The following ENTREP2 variants were observed in gnomAD, a reference collection of about 807,000 sequenced individuals.
ENTREP2 encodes the protein endosomal transmembrane epsin interactor 2.
chr15:29,279,516 C>T, the ENTREP2 span, among the ~76,000 whole-genome samples: 1 of 152,094 alleles, frequency 6.6e-6, no homozygotes, highest in Non-Finnish European at 1.5e-5. Context: ...ATGCGCACGC[C>T]ACCACACTCA....
the ENTREP2 span, among the ~76,000 whole-genome samples, chr15:29,513,586 G>T: frequency 6.6e-6 from 1 of 152,280 alleles, no homozygotes; most frequent in Non-Finnish European, 1.5e-5. Flanking sequence ...AAAAGGCGTG[G>T]GGTGAACAGG....
the ENTREP2 span, chr15:29,128,723 G>C: frequency 8.6e-7 from 1 of 1,167,196 alleles, no homozygotes; most frequent in Non-Finnish European, 1.3e-6. Flanking sequence ...ATAGGACGAG[G>C]ACGAAAAAGA....
the ENTREP2 span, among the ~76,000 whole-genome samples, chr15:29,141,168 C>T: frequency 2.6e-5 from 4 of 152,336 alleles, no homozygotes; most frequent in East Asian, 7.7e-4. Flanking sequence ...CCGAACATTT[C>T]AGTCTATCCA....
the ENTREP2 span, among the ~76,000 whole-genome samples, chr15:29,494,641 C>T: frequency 3.6e-3 from 552 of 152,290 alleles, 3 homozygotes; most frequent in Non-Finnish European, 6.0e-3. Context: ...AAAGTTTGTT[C>T]GCTTTGACCA....
At chr15:29,562,007 C>T in the ENTREP2 span, among the ~76,000 whole-genome samples, 3 of 152,180 alleles carry the variant, frequency 2.0e-5, no homozygotes, top group African/African-American at 7.2e-5. Context: ...TGATGCGATG[C>T]ACTGAGAAAA....
the ENTREP2 span, among the ~76,000 whole-genome samples, chr15:29,541,507 G>C: frequency 1.3e-5 from 2 of 152,168 alleles, no homozygotes; most frequent in East Asian, 1.9e-4. Context: ...CTGGGAGAGG[G>C]GCCAGCCATC....
the ENTREP2 span, among the ~76,000 whole-genome samples, chr15:29,176,617 G>A: frequency 6.6e-6 from 1 of 152,192 alleles, no homozygotes; most frequent in African/African-American, 2.4e-5. Flanking sequence ...CAGGAGCCAC[G>A]GGCCCCACTT....
At chr15:29,655,399 G>A in the ENTREP2 span, among the ~76,000 whole-genome samples, 2 of 152,162 alleles carry the variant, frequency 1.3e-5, no homozygotes, top group Non-Finnish European at 2.9e-5. Flanking sequence ...CCCCACACTA[G>A]CAGAAGAGGA....
the ENTREP2 span, among the ~76,000 whole-genome samples, chr15:29,600,902 C>T: frequency 0.39 from 44,636 of 114,800 alleles, 11,239 homozygotes; most frequent in African/African-American, 0.72. Context: ...ATTTTTCTTT[C>T]TTTTTTTTTT....
At chr15:29,531,808 G>GGCACCCACCACC in the ENTREP2 span, among the ~76,000 whole-genome samples, 1 of 152,134 alleles carries the variant, frequency 6.6e-6, no homozygotes, top group Admixed American at 6.5e-5. Flanking sequence ...TGGGACTAAA[G>GGCACCCACCACC]GCACCCACCA....
chr15:29,341,121 AG>A, the ENTREP2 span, among the ~76,000 whole-genome samples: 3 of 152,168 alleles, frequency 2.0e-5, no homozygotes, highest in African/African-American at 7.2e-5. Context: ...TCCCAAGGAG[AG>A]GCCAGGTGCC....
the ENTREP2 span, among the ~76,000 whole-genome samples, chr15:29,584,726 C>T: frequency 6.6e-6 from 1 of 152,072 alleles, no homozygotes; most frequent in African/African-American, 2.4e-5. Flanking sequence ...GATGAGTAAG[C>T]TCTGAGAATC....
At chr15:29,593,781 G>T in the ENTREP2 span, among the ~76,000 whole-genome samples, 1 of 152,180 alleles carries the variant, frequency 6.6e-6, no homozygotes, top group Non-Finnish European at 1.5e-5. Flanking sequence ...GGTTGCCAGG[G>T]AATCATAATA....
chr15:29,548,856 G>A, the ENTREP2 span, among the ~76,000 whole-genome samples: 1 of 152,168 alleles, frequency 6.6e-6, no homozygotes, highest in Non-Finnish European at 1.5e-5. Flanking sequence ...TCCCACAAAC[G>A]ATTCAGGGAA....
At chr15:29,264,621 A>G in the ENTREP2 span, among the ~76,000 whole-genome samples, 1 of 152,224 alleles carries the variant, frequency 6.6e-6, no homozygotes, top group Admixed American at 6.5e-5. Context: ...TTCTACAGAA[A>G]ACAGGCCCGT....
At chr15:29,369,007 T>C in the ENTREP2 span, among the ~76,000 whole-genome samples, 32 of 152,026 alleles carry the variant, frequency 2.1e-4, no homozygotes, top group Non-Finnish European at 2.4e-4. Context: ...AACCTAAAGA[T>C]AGGTTAATTG....
chr15:29,508,773 T>C, the ENTREP2 span, among the ~76,000 whole-genome samples: 1 of 152,202 alleles, frequency 6.6e-6, no homozygotes, highest in Non-Finnish European at 1.5e-5. Flanking sequence ...GAGCTATTTA[T>C]GACAAACCCA....
chr15:29,272,284 T>G, the ENTREP2 span, among the ~76,000 whole-genome samples: 4 of 152,280 alleles, frequency 2.6e-5, no homozygotes, highest in East Asian at 7.7e-4. Flanking sequence ...GGGGAGAAAC[T>G]GTGGTGATAA....
the ENTREP2 span, among the ~76,000 whole-genome samples, chr15:29,237,224 C>T: frequency 6.6e-6 from 1 of 152,030 alleles, no homozygotes; most frequent in African/African-American, 2.4e-5. Context: ...TTTGAAAGTT[C>T]TTCATATATT....
Sources: gnomAD v4.1 joint callset for allele counts (sites outside exome capture counted in the v4.1 genomes callset) on GRCh38, gnomAD v4.1.1 for gene constraint, MANE v1.5 for transcripts, NCBI Gene and HGNC (gene_info 2026-07-23, HGNC 2026-07-21) for gene names.